BTBD9: variants seen among roughly 807,000 people sequenced by gnomAD.
BTBD9 encodes the protein BTB/POZ domain-containing protein 9.
Under a neutral mutation model 64.3 loss-of-function variants are expected in BTBD9, and 49 were observed. The observed-to-expected ratio is 0.76, with a 90% CI of 0.61 to 0.97. The LOEUF is 0.97. BTBD9 is among the 50% of genes least tolerant of loss of function. BTBD9 has a pLI of 0.00. For synonymous variants in BTBD9, 260 were observed against 274.7 expected (o/e 0.95, Z 0.53); for missense variants, 598 against 762.1 (o/e 0.78, Z 2.53).
chr6:38,171,506 AAAATC>A lies in BTBD9; in HGVS notation c.*3474_*3478del, dbSNP rs1305163523. The A allele has an allele frequency of 4.6e-5, 7 of 151,122 alleles. No individual in the cohort carries two copies. The highest frequency in any genetic ancestry group is 1.7e-4 in the African/African-American group (7 of 41,006). The allele number at this position is 151,122 out of a possible 1,614,324, so 9.4% of individuals were successfully genotyped here. A position where few individuals can be genotyped will look rare whatever the true frequency, so the allele number is the denominator to read the frequency against. Reference sequence around the variant, plus strand: ...TCCATCATGGCTTGTGCTTCTAACTAAAATCAAAGGAATGAAAGCAGAAAAAGCAC... The same window carrying A: ...TCCATCATGGCTTGTGCTTCTAACTAAAAGGAATGAAAGCAGAAAAAGCAC... On this transcript the variant is annotated 3_prime_UTR_variant, in exon 11 of 11. Coordinates refer to ENST00000481247, the MANE Select transcript of BTBD9 (RefSeq NM_001099272.2).
intron 7 of BTBD9, among the ~76,000 whole-genome samples, chr6:38,313,747 CTTTTTTTTTT>C (rs765375990): frequency 7.8e-6 from 1 of 128,908 alleles, no homozygotes; most frequent in Non-Finnish European, 1.7e-5. Flanking sequence ...GATGAATTAT[CTTTTTTTTTT>C]TTTTTTTTTT....
chr6:38,331,100 AG>A (rs1207505547), intron 7 of BTBD9, among the ~76,000 whole-genome samples: 1 of 152,262 alleles, frequency 6.6e-6, no homozygotes, highest in Non-Finnish European at 1.5e-5. Flanking sequence ...CAAAGTTAAA[AG>A]GTAACTAACA....
intron 9 of BTBD9, among the ~76,000 whole-genome samples, chr6:38,251,093 A>AATAAT (rs199810466): frequency 1.3e-5 from 2 of 149,168 alleles, no homozygotes; most frequent in African/African-American, 2.5e-5. Flanking sequence ...GAAAAAAAAA[A>AATAAT]AATAATAATA....
chr6:38,175,244 G>A (rs913554326), intron 10 of BTBD9, 62 bp from the exon 11 acceptor site: 35 of 1,566,270 alleles, frequency 2.2e-5, no homozygotes, highest in African/African-American at 1.4e-4. Context: ...TGGAGTTGCC[G>A]CAAGTTGGGA....
At chr6:38,446,106 C>T (rs997612295) in intron 6 of BTBD9, among the ~76,000 whole-genome samples, 1 of 152,136 alleles carries the variant, frequency 6.6e-6, no homozygotes, top group Non-Finnish European at 1.5e-5. Context: ...AAGTAAGACA[C>T]GTGAGTAGTG....
rs148360024 is a variant in BTBD9 at position 38,352,938 on chromosome 6, C to T, written c.1155-7845G>A. 2.6e-5 allele frequency among the ~76,000 whole-genome samples: 4 copies of T among 152,290 alleles called. No homozygotes were observed. In the East Asian group the frequency reaches 7.7e-4, roughly 29 times the overall value. The stretch of plus-strand genomic sequence containing the variant: ...TAATACAGATAAAATCCCTCCCTCA[C>T]AGATTTTCTATTTAAAGTTGAAATA... On this transcript the variant is annotated intron_variant, in intron 6 of 10. Coordinates refer to ENST00000481247, the MANE Select transcript of BTBD9 (RefSeq NM_001099272.2).
intron 1 of BTBD9, among the ~76,000 whole-genome samples, chr6:38,618,785 T>A (rs1433265332): frequency 6.6e-6 from 1 of 152,238 alleles, no homozygotes; most frequent in Non-Finnish European, 1.5e-5. Context: ...GTCATGCTAC[T>A]GTTAGATCAA....
intron 1 of BTBD9, among the ~76,000 whole-genome samples, chr6:38,623,924 G>A (rs1022459863): frequency 5.3e-5 from 8 of 152,146 alleles, no homozygotes; most frequent in Non-Finnish European, 1.0e-4. Context: ...TTCCCCTTGG[G>A]AGGATACTAC....
intron 9 of BTBD9, among the ~76,000 whole-genome samples, chr6:38,223,481 G>A (rs1763285542): frequency 6.6e-6 from 1 of 152,040 alleles, no homozygotes; most frequent in African/African-American, 2.4e-5. Context: ...CTACAGGCAC[G>A]AGCCACCATG....
At position 38,256,533 on chromosome 6, in the gene BTBD9, A is replaced by T; in HGVS notation, c.1455-17T>A. The T allele has an allele frequency of 1.3e-6, 2 of 1,550,332 alleles. No individual in the cohort carries two copies. Among genetic ancestry groups the T allele is most frequent in the Non-Finnish European group, 1.8e-6 (2 of 1,122,828 alleles). The stretch of plus-strand genomic sequence containing the variant: ...AGTAGTAACCTGAACAAAGGGAAAA[A>T]CATAAGATTGCTGTAAATGTTTTAA... On this transcript the variant is annotated splice_polypyrimidine_tract_variant and intron_variant, in intron 8 of 10. Transcript: ENST00000481247.
At chr6:38,578,891 T>C (rs1329935685) in intron 5 of BTBD9, among the ~76,000 whole-genome samples, 1 of 152,160 alleles carries the variant, frequency 6.6e-6, no homozygotes. Context: ...GCTTCAAACA[T>C]ACTAAACTTT....
At chr6:38,417,913 C>A (rs1469366121) in intron 6 of BTBD9, among the ~76,000 whole-genome samples, 3 of 152,086 alleles carry the variant, frequency 2.0e-5, no homozygotes, top group South Asian at 4.1e-4. Flanking sequence ...TTTGGATAGC[C>A]AATCATCACA....
At chr6:38,575,778 T>C (rs1348190966) in intron 6 of BTBD9, among the ~76,000 whole-genome samples, 1 of 152,186 alleles carries the variant, frequency 6.6e-6, no homozygotes, top group Admixed American at 6.5e-5. Flanking sequence ...CTAACATCAC[T>C]GTTGCTCATT....
At chr6:38,181,499 C>G (rs1172189542) in intron 10 of BTBD9, among the ~76,000 whole-genome samples, 2 of 152,224 alleles carry the variant, frequency 1.3e-5, no homozygotes, top group African/African-American at 4.8e-5. Flanking sequence ...CGTTCAGTGA[C>G]ATAACAGATC....
intron 7 of BTBD9, among the ~76,000 whole-genome samples, chr6:38,293,415 A>G (rs1762035713): frequency 6.6e-6 from 1 of 152,160 alleles, no homozygotes. Context: ...CTGACTTCAA[A>G]CTACACTACA....
At chr6:38,265,325 ATAAT>A (rs1484685738) in intron 8 of BTBD9, among the ~76,000 whole-genome samples, 1 of 152,056 alleles carries the variant, frequency 6.6e-6, no homozygotes, top group Non-Finnish European at 1.5e-5. Context: ...TTGATATAGT[ATAAT>A]TATTTATTTA....
intron 7 of BTBD9, among the ~76,000 whole-genome samples, chr6:38,313,860 C>T (rs970155528): frequency 8.6e-5 from 13 of 151,394 alleles, no homozygotes; most frequent in Admixed American, 7.2e-4. Context: ...AGTGATTCTC[C>T]TGCCTCAGCC....
At chr6:38,563,830 G>A (rs551550745) in intron 6 of BTBD9, among the ~76,000 whole-genome samples, 26 of 142,008 alleles carry the variant, frequency 1.8e-4, no homozygotes, top group African/African-American at 5.5e-4. Flanking sequence ...TGCCCAGGCC[G>A]GAGTGCAGTG....
chr6:38,491,235 T>C (rs7753491), intron 6 of BTBD9, among the ~76,000 whole-genome samples: 2,018 of 152,332 alleles, frequency 0.013, 47 homozygotes, highest in African/African-American at 0.046. Context: ...CCCGTGGAAA[T>C]ACCCGCAAAC....
Sources: gnomAD v4.1 joint callset for allele counts (sites outside exome capture counted in the v4.1 genomes callset) on GRCh38, gnomAD v4.1.1 for gene constraint, MANE v1.5 for transcripts, NCBI Gene and HGNC (gene_info 2026-07-23, HGNC 2026-07-21) for gene names.